ULK4: variants seen among roughly 807,000 people sequenced by gnomAD.
ULK4 encodes the protein unc-51 like kinase 4.
In ULK4, 133 loss-of-function variants were observed where a neutral mutation model predicts 160.6. The ratio of observed to expected loss-of-function variants is 0.83; its 90% CI spans 0.72 to 0.96. ULK4 has a LOEUF of 0.96. ULK4 is among the 40% of genes least tolerant of loss of function. The pLI, the probability that ULK4 is intolerant of heterozygous loss-of-function variation, is 0.00. For missense variants in ULK4, 1,580 were observed against 1,499.5 expected (o/e 1.05, Z -0.89); for synonymous variants, 534 against 539.8 (o/e 0.99, Z 0.15).
intron 36 of ULK4, among the ~76,000 whole-genome samples, chr3:41,248,778 G>A (rs1382341817): frequency 1.3e-5 from 2 of 152,240 alleles, no homozygotes; most frequent in Admixed American, 1.3e-4. Flanking sequence ...GTTCCACTGA[G>A]CATCAGCGTC....
At chr3:41,812,999 A>G (rs756527737) in intron 19 of ULK4, among the ~76,000 whole-genome samples, 3 of 152,226 alleles carry the variant, frequency 2.0e-5, no homozygotes, top group Non-Finnish European at 4.4e-5. Context: ...ATTAATTTAT[A>G]CATTTGTATC....
intron 22 of ULK4, among the ~76,000 whole-genome samples, chr3:41,745,230 T>C (rs899618890): frequency 3.3e-5 from 5 of 150,974 alleles, no homozygotes; most frequent in African/African-American, 9.8e-5. Flanking sequence ...AGAAAAATGA[T>C]AGAGAAAACA....
chr3:41,794,964 T>C (rs897008001), intron 20 of ULK4, among the ~76,000 whole-genome samples: 3 of 152,090 alleles, frequency 2.0e-5, no homozygotes, highest in Non-Finnish European at 4.4e-5. Flanking sequence ...GAAGGAGTGT[T>C]ACAAGATGGA....
At chr3:41,862,763 CAG>C (rs1208382218) in intron 17 of ULK4, among the ~76,000 whole-genome samples, 1 of 118,940 alleles carries the variant, frequency 8.4e-6, no homozygotes, top group Non-Finnish European at 1.6e-5. Context: ...GTCAGTCAGT[CAG>C]TCTCTCTCTC....
chr3:41,826,137 C>A (rs891550501), intron 18 of ULK4, among the ~76,000 whole-genome samples: 2 of 152,060 alleles, frequency 1.3e-5, no homozygotes, highest in Admixed American at 6.6e-5. Context: ...CCAGGCCTGC[C>A]CTACAAGAGC....
intron 27 of ULK4, among the ~76,000 whole-genome samples, chr3:41,694,812 T>C (rs1003304846): frequency 1.3e-5 from 2 of 152,226 alleles, no homozygotes; most frequent in African/African-American, 4.8e-5. Context: ...TTTCATCTTT[T>C]TTCAAATATG....
At chr3:41,954,331 CAG>C (rs1700410418) in intron 2 of ULK4, among the ~76,000 whole-genome samples, 6 of 145,156 alleles carry the variant, frequency 4.1e-5, no homozygotes, top group Middle Eastern at 3.5e-3. Context: ...GTCTGGGCAA[CAG>C]AGAGAGACCC....
chr3:41,304,039 G>C (rs1314538146), intron 35 of ULK4, among the ~76,000 whole-genome samples: 6 of 152,272 alleles, frequency 3.9e-5, no homozygotes, highest in South Asian at 2.1e-4. Context: ...GGGAGGCCAA[G>C]GTGGGTGGAT....
chr3:41,501,339 T>C (rs1326674033), intron 32 of ULK4, among the ~76,000 whole-genome samples: 1 of 151,990 alleles, frequency 6.6e-6, no homozygotes, highest in Non-Finnish European at 1.5e-5. Flanking sequence ...CTACTAAAAA[T>C]ACAAACAAAT....
chr3:41,654,040 G>C (rs2034842223), intron 30 of ULK4, among the ~76,000 whole-genome samples: 1 of 152,160 alleles, frequency 6.6e-6, no homozygotes, highest in South Asian at 2.1e-4. Context: ...GAATTCATGT[G>C]ACCGTAAACT....
At chr3:41,553,161 T>C (rs969611854) in intron 32 of ULK4, among the ~76,000 whole-genome samples, 2 of 151,658 alleles carry the variant, frequency 1.3e-5, no homozygotes, top group Non-Finnish European at 3.0e-5. Flanking sequence ...TAGAAAAAAA[T>C]ATAGAGATAA....
intron 35 of ULK4, among the ~76,000 whole-genome samples, chr3:41,361,238 A>G (rs563433135): frequency 1.3e-5 from 2 of 152,306 alleles, no homozygotes; most frequent in Admixed American, 1.3e-4. Flanking sequence ...CTGTTTCCTC[A>G]GTGACATATG....
At chr3:41,934,358 T>A (rs1699693267) in intron 4 of ULK4, among the ~76,000 whole-genome samples, 1 of 152,222 alleles carries the variant, frequency 6.6e-6, no homozygotes, top group Admixed American at 6.5e-5. Flanking sequence ...TATATTCTCA[T>A]ACAGATGGCC....
chr3:41,562,402 G>A (rs1279048490), intron 32 of ULK4, among the ~76,000 whole-genome samples: 1 of 152,116 alleles, frequency 6.6e-6, no homozygotes, highest in South Asian at 2.1e-4. Flanking sequence ...CTGAGTTCAA[G>A]TCCTGGATAT....
At chr3:41,414,967 T>C (rs1402450541) in intron 34 of ULK4, among the ~76,000 whole-genome samples, 1 of 152,138 alleles carries the variant, frequency 6.6e-6, no homozygotes, top group African/African-American at 2.4e-5. Flanking sequence ...TATCACAGAA[T>C]AGAGTACCAG....
At chr3:41,715,172 A>T in intron 25 of ULK4, 65 bp downstream of exon 25, 7 of 1,502,722 alleles carry the variant, frequency 4.7e-6, no homozygotes, top group Non-Finnish European at 6.4e-6. Context: ...TCTGACATCA[A>T]ATTCTACAAA....
chr3:41,539,368 C>T (rs2086621702), intron 32 of ULK4, among the ~76,000 whole-genome samples: 1 of 152,126 alleles, frequency 6.6e-6, no homozygotes, highest in Admixed American at 6.6e-5. Flanking sequence ...AATCTCCGAT[C>T]ACTACTCTGT....
intron 32 of ULK4, among the ~76,000 whole-genome samples, chr3:41,478,378 A>G (rs1020103870): frequency 9.2e-5 from 14 of 152,242 alleles, no homozygotes; most frequent in African/African-American, 3.4e-4. Flanking sequence ...TGTATTCAGT[A>G]CATTCATTTT....
chr3:41,791,298 T>A (rs1259440350), intron 20 of ULK4, among the ~76,000 whole-genome samples: 2 of 152,148 alleles, frequency 1.3e-5, no homozygotes, highest in Non-Finnish European at 2.9e-5. Flanking sequence ...CTGGCCTATT[T>A]GTGTTACTTT....
Sources: gnomAD v4.1 joint callset for allele counts (sites outside exome capture counted in the v4.1 genomes callset) on GRCh38, gnomAD v4.1.1 for gene constraint, MANE v1.5 for transcripts, NCBI Gene and HGNC (gene_info 2026-07-23, HGNC 2026-07-21) for gene names.